SMARCC1: variants seen among roughly 807,000 people sequenced by gnomAD.
The protein encoded by SMARCC1 is SWI/SNF related BAF chromatin remodeling complex subunit C1, also known as SWI/SNF complex subunit SMARCC1.
Under a neutral mutation model 147.4 loss-of-function variants are expected in SMARCC1, and 43 were observed. The observed-to-expected ratio is 0.29, with a 90% CI of 0.23 to 0.38. The LOEUF is 0.38. Among genes scored for constraint, SMARCC1 ranks in the 10% least tolerant of loss-of-function variants. The pLI, the probability that SMARCC1 is intolerant of heterozygous loss-of-function variation, is 1.00. For missense variants in SMARCC1, 1,119 were observed against 1,381.1 expected (o/e 0.81, Z 3.01); for synonymous variants, 495 against 484.4 (o/e 1.02, Z -0.29).
intron 23 of SMARCC1, among the ~76,000 whole-genome samples, chr3:47,635,630 A>C (rs571276685): frequency 6.6e-6 from 1 of 152,332 alleles, no homozygotes; most frequent in Admixed American, 6.5e-5. Flanking sequence ...ACTAAGTCTA[A>C]GGCCAACGTA....
intron 18 of SMARCC1, among the ~76,000 whole-genome samples, chr3:47,672,458 G>A (rs1218349914): frequency 1.3e-5 from 2 of 151,958 alleles, no homozygotes. Context: ...CGCATGCCTC[G>A]GCCTCCCAAA....
intron 26 of SMARCC1, among the ~76,000 whole-genome samples, chr3:47,600,756 G>A (rs761828050): frequency 2.0e-5 from 3 of 152,006 alleles, no homozygotes; most frequent in Admixed American, 6.6e-5. Context: ...AGCAACCCTT[G>A]TCCTTAAGAA....
intron 26 of SMARCC1, among the ~76,000 whole-genome samples, chr3:47,596,923 C>T (rs1489044690): frequency 3.3e-5 from 5 of 151,226 alleles, no homozygotes; most frequent in Non-Finnish European, 5.9e-5. Flanking sequence ...TGGCTAGGGG[C>T]GGTGGCTCCT....
At chr3:47,672,350 C>T (rs1016848191) in intron 18 of SMARCC1, among the ~76,000 whole-genome samples, 2 of 152,022 alleles carry the variant, frequency 1.3e-5, no homozygotes, top group Admixed American at 6.6e-5. Flanking sequence ...GGACTACAGG[C>T]GCCCGCCAAC....
At chr3:47,764,185 C>T (rs928232487) in intron 2 of SMARCC1, among the ~76,000 whole-genome samples, 27 of 152,260 alleles carry the variant, frequency 1.8e-4, no homozygotes, top group Non-Finnish European at 2.1e-4. Flanking sequence ...CACAATCACA[C>T]ACCACCATGC....
chr3:47,753,324 CCAA>C (rs2034648887), intron 2 of SMARCC1, among the ~76,000 whole-genome samples: 1 of 112,648 alleles, frequency 8.9e-6, no homozygotes. Context: ...GACTCCATCT[CCAA>C]AAAAAAAAAA....
intron 26 of SMARCC1, chr3:47,604,281 T>C: frequency 2.2e-6 from 1 of 456,780 alleles, no homozygotes; most frequent in Non-Finnish European, 4.4e-6. Context: ...GCCAGAGAGA[T>C]GAAAAATTAA....
chr3:47,753,636 C>A (rs960060912), intron 2 of SMARCC1, among the ~76,000 whole-genome samples: 5 of 128,266 alleles, frequency 3.9e-5, no homozygotes, highest in African/African-American at 1.2e-4. Context: ...CGCTTGAATT[C>A]GGGAGGCGGA....
chr3:47,668,388 T>G (rs1009508612), intron 19 of SMARCC1, among the ~76,000 whole-genome samples: 1 of 152,210 alleles, frequency 6.6e-6, no homozygotes, highest in Non-Finnish European at 1.5e-5. Flanking sequence ...AAACCTTACA[T>G]TATCCTTCAT....
chr3:47,762,028 C>T (rs1446056463), intron 2 of SMARCC1, among the ~76,000 whole-genome samples: 5 of 152,154 alleles, frequency 3.3e-5, no homozygotes, highest in African/African-American at 7.2e-5. Flanking sequence ...GTAATCCGCC[C>T]GCCTCAGCCT....
chr3:47,633,779 TACAC>T (rs149363143), intron 24 of SMARCC1, among the ~76,000 whole-genome samples: 561 of 28,850 alleles, frequency 0.019, 37 homozygotes, highest in East Asian at 0.031. Flanking sequence ...TATATATATA[TACAC>T]ACACACACAC....
Position 47,661,160 on chromosome 3 carries a change from T to C in SMARCC1, c.2320+134A>G, listed in dbSNP as rs1485572892. ...AACAGACAAGAGAAAAAAAATCATGTACTAATCTTAAAAGACAAGTTTATA... is the reference window on the plus strand; with the variant it reads ...AACAGACAAGAGAAAAAAAATCATGCACTAATCTTAAAAGACAAGTTTATA... On this transcript the variant is annotated intron_variant, in intron 21 of 27. Transcript: ENST00000254480. The C allele has an allele frequency of 4.6e-6, 3 of 648,680 alleles. No individual in the cohort carries two copies. In the African/African-American group the frequency reaches 5.5e-5, roughly 12 times the overall value. The allele number at this position is 648,680 out of a possible 1,614,324, so 40.2% of individuals were successfully genotyped here.
intron 19 of SMARCC1, chr3:47,663,823 C>CA: frequency 1.3e-6 from 2 of 1,583,108 alleles, no homozygotes; most frequent in Non-Finnish European, 1.7e-6. Context: ...TCCACCGGGG[C>CA]AACAGCCAGC....
intron 26 of SMARCC1, among the ~76,000 whole-genome samples, chr3:47,607,781 T>C (rs1475912104): frequency 9.2e-5 from 14 of 152,254 alleles, no homozygotes; most frequent in Admixed American, 8.5e-4. Context: ...CAGTGGAACG[T>C]GCCTATAATC....
intron 18 of SMARCC1, among the ~76,000 whole-genome samples, chr3:47,671,197 A>AAAAAAAAAAAAAC (rs1157129603): frequency 1.7e-3 from 107 of 62,312 alleles, no homozygotes; most frequent in Non-Finnish European, 2.8e-3. Context: ...AAAAAAAAAA[A>AAAAAAAAAAAAAC]ACACACACAA....
intron 26 of SMARCC1, among the ~76,000 whole-genome samples, chr3:47,605,499 T>C (rs1390656417): frequency 1.3e-5 from 2 of 152,132 alleles, no homozygotes; most frequent in East Asian, 1.9e-4. Flanking sequence ...TGGCCGGGCA[T>C]GGTGGCTCAT....
chr3:47,781,539 G>A (rs1576441344), intron 1 of SMARCC1, 64 bp downstream of exon 1: 4 of 1,249,480 alleles, frequency 3.2e-6, no homozygotes, highest in Non-Finnish European at 3.2e-6. Flanking sequence ...AGGCCCGCGA[G>A]GCCAGCTGCC....
At chr3:47,719,381 T>A (rs1178056204) in intron 7 of SMARCC1, among the ~76,000 whole-genome samples, 2 of 152,054 alleles carry the variant, frequency 1.3e-5, no homozygotes, top group African/African-American at 4.8e-5. Flanking sequence ...TCCTTAGTGG[T>A]TTCGCATAAG....
chr3:47,691,575 T>C (rs1318183061), intron 12 of SMARCC1, among the ~76,000 whole-genome samples: 3 of 151,888 alleles, frequency 2.0e-5, no homozygotes, highest in East Asian at 1.9e-4. Context: ...GATCACACTA[T>C]TGCACTCCAG....
Sources: allele counts gnomAD v4.1 joint callset (sites outside exome capture counted in the v4.1 genomes callset), GRCh38; gene constraint gnomAD v4.1.1; transcripts MANE v1.5; gene names NCBI Gene and HGNC (gene_info 2026-07-23, HGNC 2026-07-21).